SYCP1: variants seen among roughly 807,000 people sequenced by gnomAD.
SYCP1 encodes the protein synaptonemal complex protein 1.
In SYCP1, 64 loss-of-function variants were observed where a neutral mutation model predicts 153.1. The ratio of observed to expected loss-of-function variants is 0.42; its 90% CI spans 0.34 to 0.51. The LOEUF (loss-of-function observed/expected upper bound fraction) is 0.51, where lower values mean the gene tolerates loss of function less well. Ranked by LOEUF, SYCP1 falls within the 20% of genes least tolerant of loss-of-function variation. The probability of loss-of-function intolerance (pLI) is 0.06; values close to 1 mark genes in which losing one functional copy is unlikely to be tolerated. For missense variants in SYCP1, 997 were observed against 1,049.0 expected, an observed-to-expected ratio of 0.95 and a Z score of 0.68; for synonymous variants, 384 against 341.8, an observed-to-expected ratio of 1.12 and a Z score of -1.36.
At chr1:114,908,426 G>A (rs941652861) in intron 16 of SYCP1, among the ~76,000 whole-genome samples, 1 of 151,974 alleles carries the variant, frequency 6.6e-6, no homozygotes, top group African/African-American at 2.4e-5. Context: ...GGAAGTTTTG[G>A]CCATTTAAAT....
intron 8 of SYCP1, among the ~76,000 whole-genome samples, chr1:114,869,439 T>C (rs1299840113): frequency 8.5e-5 from 13 of 152,200 alleles, no homozygotes; most frequent in Non-Finnish European, 1.5e-5. Context: ...AAGGTGTGTC[T>C]TATGGCCCAG....
At chr1:114,881,092 C>CACAT (rs1485059608) in intron 12 of SYCP1, among the ~76,000 whole-genome samples, 1 of 150,082 alleles carries the variant, frequency 6.7e-6, no homozygotes, top group African/African-American at 2.4e-5. Flanking sequence ...CACACACACA[C>CACAT]ACATTTCTTT....
At chr1:114,854,290 C>T (rs1008202651), upstream of SYCP1, among the ~76,000 whole-genome samples, 5 of 151,670 alleles carry the variant, frequency 3.3e-5, no homozygotes, top group Non-Finnish European at 7.4e-5. Context: ...GACACAGGTG[C>T]GCACCACCAC....
intron 8 of SYCP1, among the ~76,000 whole-genome samples, chr1:114,862,435 C>T (rs1310856333): frequency 3.3e-5 from 5 of 151,670 alleles, no homozygotes; most frequent in Admixed American, 2.6e-4. Flanking sequence ...TGCAACCTCC[C>T]ACCCCTAGGG....
chr1:114,866,902 C>CTTT, intron 8 of SYCP1, among the ~76,000 whole-genome samples: 1 of 139,696 alleles, frequency 7.2e-6, no homozygotes, highest in Non-Finnish European at 1.6e-5. Context: ...TGTCCAGATT[C>CTTT]TTTTTTTTTT....
At chr1:114,944,134 GA>G (rs1670545799) in intron 23 of SYCP1, among the ~76,000 whole-genome samples, 1 of 151,476 alleles carries the variant, frequency 6.6e-6, no homozygotes, top group Non-Finnish European at 1.5e-5. Flanking sequence ...TACTTGTCAA[GA>G]AAAAATACAT....
chr1:114,898,571 G>A (rs1346489440), intron 16 of SYCP1, among the ~76,000 whole-genome samples: 1 of 152,002 alleles, frequency 6.6e-6, no homozygotes. Context: ...CTAAAATGTA[G>A]GCAAAAACTT....
At chr1:114,991,248 ATTC>A (rs1466920861) in intron 30 of SYCP1, among the ~76,000 whole-genome samples, 1 of 152,044 alleles carries the variant, frequency 6.6e-6, no homozygotes, top group Non-Finnish European at 1.5e-5. Context: ...ATTAACATCA[ATTC>A]TTCTTAAATT....
Position 114,857,215 on chromosome 1 carries a change from T to TGTCTTTTA in SYCP1, c.194-16_194-9dup. On this transcript the variant is annotated splice_polypyrimidine_tract_variant and intron_variant, in intron 3 of 31. Coordinates refer to ENST00000369522, the MANE Select transcript of SYCP1 (RefSeq NM_003176.4). ...AGATGTTGGCGTATTTAATACCTGT[T>TGTCTTTTA]GTCTTTTATCTTGCAGATCCTGCTT... 6.3e-7 allele frequency: 1 copy of TGTCTTTTA among 1,581,002 alleles called. No individual in the cohort carries two copies.
chr1:114,936,909 G>T (rs2101788958), intron 23 of SYCP1, among the ~76,000 whole-genome samples: 1 of 152,268 alleles, frequency 6.6e-6, no homozygotes, highest in African/African-American at 2.4e-5. Context: ...CACAGCAAAT[G>T]GAAGAACATT....
intron 28 of SYCP1, among the ~76,000 whole-genome samples, chr1:114,980,116 C>T (rs12125190): frequency 0.39 from 58,444 of 151,422 alleles, 12,504 homozygotes; most frequent in East Asian, 0.5. Flanking sequence ...TGAAAGAACA[C>T]GATTCTAGAA....
At chr1:114,857,151 A>AGAG in intron 3 of SYCP1, 81 bp from the exon 4 acceptor site, 1 of 940,054 alleles carries the variant, frequency 1.1e-6, no homozygotes, top group Non-Finnish European at 1.5e-6. Context: ...AAAAAAAAAA[A>AGAG]AAAAAAGAGA....
chr1:114,857,167 G>GAAAAAAAAAAAAAAAAAGAAAAAAAAA, intron 3 of SYCP1, 65 bp from the exon 4 acceptor site: 2 of 558,546 alleles, frequency 3.6e-6, no homozygotes, highest in East Asian at 4.4e-5. Context: ...AGAGAAAAAA[G>GAAAAAAAAAAAAAAAAAGAAAAAAAAA]AAAAAAAAAA....
At chr1:114,936,107 A>G (rs1490806572) in intron 23 of SYCP1, among the ~76,000 whole-genome samples, 1 of 152,174 alleles carries the variant, frequency 6.6e-6, no homozygotes, top group Non-Finnish European at 1.5e-5. Context: ...AAAAAAAGAG[A>G]ATTTTAGACC....
intron 3 of SYCP1, 66 bp from the exon 4 acceptor site, chr1:114,857,166 A>ATT: frequency 8.8e-7 from 1 of 1,131,522 alleles, no homozygotes. Context: ...AAGAGAAAAA[A>ATT]GAAAAAAAAA....
At chr1:114,870,365 G>A (rs141624783) in intron 8 of SYCP1, among the ~76,000 whole-genome samples, 102 of 152,164 alleles carry the variant, frequency 6.7e-4, no homozygotes, top group African/African-American at 2.3e-3. Flanking sequence ...TCCTTGCTTT[G>A]AAGTTGGCTG....
intron 23 of SYCP1, among the ~76,000 whole-genome samples, chr1:114,940,704 T>G (rs547169184): frequency 3.3e-5 from 5 of 152,256 alleles, no homozygotes; most frequent in Non-Finnish European, 7.3e-5. Flanking sequence ...GGGTCACTTT[T>G]TGTAAACATC....
rs11102852 is a variant in SYCP1, at chr1:114,906,904, A to G, written c.1321-3493A>G. ...GTTTTTAATTGAATTTTTGGGTCTA[A>G]TTCTATTATTTACTGAGAGAAGAGT... On this transcript the variant is annotated intron_variant, in intron 16 of 31. Coordinates refer to ENST00000369522, the MANE Select transcript of SYCP1 (RefSeq NM_003176.4). Among the ~76,000 whole-genome samples the G allele has an allele frequency of 8.4e-3, 1,279 of 152,202 alleles. 22 individuals are homozygous for G. The highest frequency in any genetic ancestry group is 0.029 in the African/African-American group (1,214 of 41,530).
intron 30 of SYCP1, among the ~76,000 whole-genome samples, chr1:114,989,452 CA>C (rs1673768743): frequency 6.6e-6 from 1 of 151,794 alleles, no homozygotes; most frequent in African/African-American, 2.4e-5. Context: ...ATAATGGAGA[CA>C]AAACCCTATA....
Sources: allele counts gnomAD v4.1 joint callset (sites outside exome capture counted in the v4.1 genomes callset), GRCh38; gene constraint gnomAD v4.1.1; transcripts MANE v1.5; gene names NCBI Gene and HGNC (gene_info 2026-07-23, HGNC 2026-07-21).